CPT1C: variants seen among roughly 807,000 people sequenced by gnomAD.
The protein encoded by CPT1C is carnitine palmitoyltransferase 1C.
Under a neutral mutation model 97.3 loss-of-function variants are expected in CPT1C, and 61 were observed. The observed-to-expected ratio is 0.63, with a 90% CI of 0.51 to 0.78. The LOEUF (loss-of-function observed/expected upper bound fraction) is 0.78. Ranked by LOEUF, CPT1C falls within the 30% of genes least tolerant of loss-of-function variation. CPT1C has a pLI of 0.00. For missense variants in CPT1C, 975 were observed against 1,065.5 expected, an observed-to-expected ratio of 0.92 and a Z score of 1.18; for synonymous variants, 469 against 447.2, an observed-to-expected ratio of 1.05 and a Z score of -0.61.
At chr19:49,708,608 T>C in intron 13 of CPT1C, 115 bp from the exon 14 acceptor site, 1 of 771,086 alleles carries the variant, frequency 1.3e-6, no homozygotes, top group Admixed American at 2.0e-5. Flanking sequence ...CAGAGGTTTC[T>C]GTTTCTCAGG....
At position 49,701,297 on chromosome 19, in the gene CPT1C, C is replaced by T. The variant is rs1257447282; in HGVS notation, c.454-20C>T. 3.7e-6 allele frequency: 6 copies of T among 1,602,504 alleles called. No individual in the cohort carries two copies. Among genetic ancestry groups the T allele is most frequent in the African/African-American group, 2.7e-5 (2 of 74,794 alleles). On this transcript the variant is annotated intron_variant, in intron 5 of 19. Coordinates refer to ENST00000598293, the MANE Select transcript of CPT1C (RefSeq NM_001199753.2). ...TGGCTCCGGTGAGGGGTTAATGACC[C>T]GGTAACTCCTCCTCCCCAGGCCCTG...
intron 7 of CPT1C, among the ~76,000 whole-genome samples, chr19:49,701,935 TTTATAA>T (rs1477412390): frequency 1.8e-4 from 17 of 93,026 alleles, no homozygotes; most frequent in South Asian, 5.7e-4. Context: ...AATATTAATA[TTTATAA>T]ATTTATATAT....
intron 3 of CPT1C, among the ~76,000 whole-genome samples, chr19:49,697,010 T>C (rs1198867068): frequency 6.6e-6 from 1 of 152,222 alleles, no homozygotes; most frequent in Non-Finnish European, 1.5e-5. Flanking sequence ...ACATCCGGAC[T>C]GTTCTGCCTT....
At chr19:49,692,538 G>A (rs1189861363) in intron 3 of CPT1C, 145 bp downstream of exon 3, 4 of 1,034,632 alleles carry the variant, frequency 3.9e-6, no homozygotes, top group Non-Finnish European at 5.6e-6. Flanking sequence ...CTGCTCCCAG[G>A]ACCCCTTTAG....
intron 7 of CPT1C, among the ~76,000 whole-genome samples, chr19:49,703,351 T>C (rs1249689768): frequency 8.4e-6 from 1 of 119,470 alleles, no homozygotes; most frequent in Non-Finnish European, 1.6e-5. Flanking sequence ...GGCTAATTTC[T>C]TTTTTTTTTT....
intron 5 of CPT1C, 111 bp from the exon 6 acceptor site, chr19:49,701,206 C>T (rs145945799): frequency 1.2e-6 from 1 of 860,670 alleles, no homozygotes; most frequent in Non-Finnish European, 1.8e-6. Context: ...CTCCGATGCT[C>T]TTAAGTCTCT....
At chr19:49,703,512 TTCTTTC>T (rs909676750) in intron 7 of CPT1C, among the ~76,000 whole-genome samples, 1 of 148,204 alleles carries the variant, frequency 6.7e-6, no homozygotes, top group Admixed American at 6.8e-5. Flanking sequence ...CTTTCTTTCT[TTCTTTC>T]TCTATCTTTC....
intron 7 of CPT1C, among the ~76,000 whole-genome samples, chr19:49,702,004 T>TATTTATTTA (rs1568520759): frequency 1.3e-3 from 13 of 9,980 alleles, no homozygotes; most frequent in African/African-American, 2.5e-3. Flanking sequence ...TATAAATATA[T>TATTTATTTA]TAAATATATT....
chr19:49,704,196 A>G (rs1478359468), intron 7 of CPT1C, among the ~76,000 whole-genome samples: 1 of 151,946 alleles, frequency 6.6e-6, no homozygotes, highest in Non-Finnish European at 1.5e-5. Context: ...GGGGGGACGG[A>G]GTTTCACTCT....
At chr19:49,705,355 A>AT (rs1356588289) in intron 10 of CPT1C, 57 bp downstream of exon 10, 4 of 1,429,876 alleles carry the variant, frequency 2.8e-6, no homozygotes, top group Non-Finnish European at 2.9e-6. Context: ...GGCTAAGAGC[A>AT]TGTTTTCTGG....
chr19:49,699,443 G>A (rs1160994226), intron 4 of CPT1C, among the ~76,000 whole-genome samples: 1 of 88,272 alleles, frequency 1.1e-5, no homozygotes, highest in African/African-American at 4.6e-5. Context: ...GGGCAACATA[G>A]AGACCCCTGT....
At chr19:49,704,865 C>A in intron 8 of CPT1C, 78 bp downstream of exon 8, 1 of 1,447,006 alleles carries the variant, frequency 6.9e-7, no homozygotes, top group Non-Finnish European at 9.7e-7. Flanking sequence ...GACGGTCATG[C>A]TCAGTGACCT....
rs1568521865 is a variant in CPT1C at position 49,702,114 on chromosome 19, T to TTATTTATAAATTATAAATAAATATA, written c.693+487_693+488insAAATTATAAATAAATATATATTTAT. Among the ~76,000 whole-genome samples the TTATTTATAAATTATAAATAAATATA allele has an allele frequency of 7.2e-3, 87 of 12,076 alleles. 8 individuals carry two copies. Among genetic ancestry groups the TTATTTATAAATTATAAATAAATATA allele is most frequent in the Middle Eastern group, 0.062 (2 of 32 alleles). 7.9% of individuals were successfully genotyped at this position (12,076 alleles called of 152,430 possible). ...TTATTTATAAATTATAAATATATAT[T>TTATTTATAAATTATAAATAAATATA]TATTTATTTATAAATTATAAATAAA... On this transcript the variant is annotated intron_variant, in intron 7 of 19. Coordinates refer to ENST00000598293, the MANE Select transcript of CPT1C (RefSeq NM_001199753.2).
Position 49,711,764 on chromosome 19 carries a change from G to A in CPT1C, c.1867-45G>A, listed in dbSNP as rs372388567. ...TGTGCCGCAGGCCCAGCCCTAAGTC[G>A]ACTTCCTGTCTTTCCATGACCTGTG... On this transcript the variant is annotated intron_variant, in intron 16 of 19. Transcript: ENST00000598293. The A allele has an allele frequency of 8.1e-5, 127 of 1,567,438 alleles. No homozygotes were observed. In the East Asian group the frequency reaches 1.6e-3, roughly 19 times the overall value.
chr19:49,706,246 G>A lies in CPT1C; in HGVS notation c.1176G>A (p.Gln392=). The change falls in exon 12 of 20, where the codon CAG becomes CAA. Residue 392 remains glutamine (Q), a synonymous_variant. Coordinates refer to ENST00000598293, the MANE Select transcript of CPT1C (RefSeq NM_001199753.2). This position sits in a 1 kb window ranked among gnomAD's most constrained non-coding sequence, Gnocchi z 4.8. ...LTAAPRGTWA[Q]VRTSLKTQAA... ...GGCCCTCCAGGGGCACGTGGGCCCA[G>A]GTGCGGACATCCCTGAAGACCCAGG... 6.5e-7 allele frequency: 1 copy of A among 1,538,898 alleles called. No homozygotes were observed.
intron 14 of CPT1C, 136 bp downstream of exon 14, chr19:49,708,975 C>A: frequency 1.6e-6 from 1 of 620,088 alleles, no homozygotes; most frequent in Non-Finnish European, 2.8e-6. Context: ...GCTTCCCCCA[C>A]CCCCAAATCA....
rs1253112068 is a variant in CPT1C, at chr19:49,702,159, TATAA to T, written c.693+533_693+536del. Among the ~76,000 whole-genome samples the T allele has an allele frequency of 1.5e-4, 19 of 124,812 alleles. 3 individuals carry two copies. The highest frequency in any genetic ancestry group is 4.6e-4 in the Admixed American group (5 of 10,934). 81.9% of individuals were successfully genotyped at this position (124,812 alleles called of 152,430 possible). On this transcript the variant is annotated intron_variant, in intron 7 of 19. Transcript: ENST00000598293. Reference sequence around the variant, plus strand: ...AATAAATATATATTTATTTATAAATTATAAATAAATATATATTTATTTATATATA... The same window carrying T: ...AATAAATATATATTTATTTATAAATTATAAATATATATTTATTTATATATA...
In CPT1C at chr19:49,708,624, C is replaced by T. The variant is rs1354765290; in HGVS notation, c.1450-99C>T. The T allele has an allele frequency of 6.0e-6, 5 of 834,012 alleles. No homozygotes were observed. The East Asian group carries it at 1.2e-4, about 20-fold the overall frequency. 51.7% of individuals were successfully genotyped at this position (834,012 alleles called of 1,614,324 possible). On this transcript the variant is annotated intron_variant, in intron 13 of 19. Transcript: ENST00000598293. ...AGAGGTTTCTGTTTCTCAGGGACTG[C>T]CCCCTACCCGAAAAAGGGCTGCATG...
In CPT1C at chr19:49,701,489, C is replaced by G. The variant is rs373618932; in HGVS notation, c.556-8C>G. The G allele has an allele frequency of 1.9e-6, 3 of 1,601,154 alleles. No homozygotes were observed. The highest frequency in any genetic ancestry group is 1.7e-4 in the Middle Eastern group (1 of 6,044). Reference sequence around the variant, plus strand: ...CGGGGGCGTGACCTGCCCTCTTCTCCCCTTTAGTACCTGGAGTCGGTCCGG... The same window carrying G: ...CGGGGGCGTGACCTGCCCTCTTCTCGCCTTTAGTACCTGGAGTCGGTCCGG... On this transcript the variant is annotated splice_polypyrimidine_tract_variant and splice_region_variant and intron_variant, in intron 6 of 19. Coordinates refer to ENST00000598293, the MANE Select transcript of CPT1C (RefSeq NM_001199753.2).
Sources: allele counts gnomAD v4.1 joint callset (sites outside exome capture counted in the v4.1 genomes callset), GRCh38; gene constraint gnomAD v4.1.1; non-coding constraint Gnocchi (gnomAD v3.1); transcripts MANE v1.5; gene names NCBI Gene and HGNC (gene_info 2026-07-23, HGNC 2026-07-21).